The following KMT2C variants were observed in gnomAD, a reference collection of about 807,000 sequenced individuals.
KMT2C encodes the protein lysine methyltransferase 2C.
KMT2C carries 88 observed loss-of-function variants against 507.9 expected under a neutral mutation model. The ratio of observed to expected loss-of-function variants is 0.17; its 90% CI spans 0.15 to 0.21. The LOEUF (loss-of-function observed/expected upper bound fraction) is 0.21, where lower values mean the gene tolerates loss of function less well. KMT2C is among the 10% of genes least tolerant of loss of function. KMT2C has a pLI of 1.00. For synonymous variants in KMT2C, 2,049 were observed against 2,080.8 expected (o/e 0.98, Z 0.42); for missense variants, 4,954 against 5,957.8 (o/e 0.83, Z 5.55).
intron 23 of KMT2C, among the ~76,000 whole-genome samples, chr7:152,218,345 G>A (rs1463503160): frequency 1.3e-5 from 2 of 151,994 alleles, no homozygotes; most frequent in Non-Finnish European, 2.9e-5. Flanking sequence ...TGTATTTTTA[G>A]TAGAGATGAG....
chr7:152,245,478 ATTT>A (rs2095456806), intron 14 of KMT2C, among the ~76,000 whole-genome samples: 1 of 152,096 alleles, frequency 6.6e-6, no homozygotes, highest in East Asian at 1.9e-4. Flanking sequence ...ATTAAAATTT[ATTT>A]CACCTGTTTT....
intron 26 of KMT2C, 114 bp from the exon 27 acceptor site, chr7:152,199,573 A>T: frequency 1.8e-6 from 1 of 558,064 alleles, no homozygotes; most frequent in South Asian, 3.3e-5. Context: ...TTTATATTTA[A>T]CAATATAGAA....
chr7:152,152,190 C>A (rs773708665), intron 49 of KMT2C, among the ~76,000 whole-genome samples: 2 of 152,148 alleles, frequency 1.3e-5, no homozygotes, highest in East Asian at 3.8e-4. Flanking sequence ...GGAAGGAAAG[C>A]GACATCATGG....
intron 2 of KMT2C, among the ~76,000 whole-genome samples, chr7:152,336,222 G>C (rs1013472078): frequency 6.6e-6 from 1 of 152,098 alleles, no homozygotes; most frequent in Non-Finnish European, 1.5e-5. Flanking sequence ...AACAAAAAAG[G>C]TATCACTAAA....
intron 3 of KMT2C, among the ~76,000 whole-genome samples, chr7:152,320,355 TCTC>T (rs2096762288): frequency 6.6e-6 from 1 of 152,090 alleles, no homozygotes; most frequent in Non-Finnish European, 1.5e-5. Flanking sequence ...TTCAAGCAAT[TCTC>T]CTGCCTCAGC....
intron 1 of KMT2C, among the ~76,000 whole-genome samples, chr7:152,432,669 A>C (rs749448744): frequency 6.6e-6 from 1 of 152,264 alleles, no homozygotes; most frequent in Non-Finnish European, 1.5e-5. Context: ...ATGTAAAAGC[A>C]GTAACTATAT....
At chr7:152,329,762 G>C (rs1006599645) in intron 3 of KMT2C, among the ~76,000 whole-genome samples, 3 of 151,042 alleles carry the variant, frequency 2.0e-5, no homozygotes, top group Non-Finnish European at 3.0e-5. Context: ...GGAGATGGGA[G>C]TACCAAACTG....
chr7:152,400,316 T>TA (rs1564121086), intron 1 of KMT2C, among the ~76,000 whole-genome samples: 5 of 150,610 alleles, frequency 3.3e-5, no homozygotes, highest in East Asian at 1.9e-4. Flanking sequence ...CTCAAAAAAA[T>TA]AAAAAAAAGA....
intron 25 of KMT2C, 23 bp downstream of exon 25, chr7:152,205,083 T>A (rs770930564): frequency 1.3e-6 from 2 of 1,528,182 alleles, no homozygotes; most frequent in East Asian, 2.4e-5. Flanking sequence ...AAAAAAAAAT[T>A]TTTTTTTAAG....
chr7:152,204,322 G>C (rs1210628083), intron 25 of KMT2C, among the ~76,000 whole-genome samples: 1 of 152,058 alleles, frequency 6.6e-6, no homozygotes, highest in Non-Finnish European at 1.5e-5. Flanking sequence ...TTAGATATCA[G>C]CTGGGCTCAC....
chr7:152,242,767 A>G (rs1235639467), intron 14 of KMT2C, among the ~76,000 whole-genome samples: 1 of 152,136 alleles, frequency 6.6e-6, no homozygotes, highest in African/African-American at 2.4e-5. Context: ...TGGTTGTTAA[A>G]TATGATCAAA....
chr7:152,247,681 C>A (rs1329889753), intron 14 of KMT2C, among the ~76,000 whole-genome samples: 116 of 152,394 alleles, frequency 7.6e-4, no homozygotes, highest in African/African-American at 2.7e-3. Context: ...TATGGCCCAA[C>A]TGAGTTGAAA....
chr7:152,331,642 A>ATTTTTTTT (rs34778581), intron 2 of KMT2C, among the ~76,000 whole-genome samples: 1 of 99,300 alleles, frequency 1.0e-5, no homozygotes, highest in Non-Finnish European at 2.0e-5. Flanking sequence ...CAACAAAAAG[A>ATTTTTTTT]TTTTTTTTTT....
intron 31 of KMT2C, among the ~76,000 whole-genome samples, chr7:152,188,297 A>G (rs375476941): frequency 6.6e-6 from 1 of 152,200 alleles, no homozygotes; most frequent in Admixed American, 6.5e-5. Context: ...TCTGGAGTCC[A>G]AAAGCCCAGG....
At chr7:152,174,104 G>T in intron 39 of KMT2C, 27 bp downstream of exon 39, 1 of 1,214,770 alleles carries the variant, frequency 8.2e-7, no homozygotes, top group Non-Finnish European at 1.2e-6. Context: ...TAGATGCCCA[G>T]TAGAAACAAG....
intron 27 of KMT2C, among the ~76,000 whole-genome samples, chr7:152,196,765 C>T (rs148231519): frequency 6.6e-6 from 1 of 152,272 alleles, no homozygotes; most frequent in Non-Finnish European, 1.5e-5. Flanking sequence ...TAGGAGATGA[C>T]TGAGCATAAA....
intron 49 of KMT2C, 108 bp downstream of exon 49, chr7:152,152,597 C>T: frequency 1.6e-5 from 21 of 1,353,356 alleles, no homozygotes; most frequent in Non-Finnish European, 2.2e-5. Flanking sequence ...GGACTATACG[C>T]CAGCATGTTA....
At chr7:152,415,775 G>A (rs1415083442) in intron 1 of KMT2C, among the ~76,000 whole-genome samples, 1 of 152,216 alleles carries the variant, frequency 6.6e-6, no homozygotes, top group Non-Finnish European at 1.5e-5. Context: ...AGCTACTTGG[G>A]AGGCTGAGGC....
chr7:152,352,416 T>C (rs2097120923), intron 2 of KMT2C, among the ~76,000 whole-genome samples: 2 of 152,178 alleles, frequency 1.3e-5, no homozygotes, highest in African/African-American at 4.8e-5. Flanking sequence ...TCTATTACCT[T>C]GTGAAGCACG....
Sources: allele counts gnomAD v4.1 joint callset (sites outside exome capture counted in the v4.1 genomes callset), GRCh38; gene constraint gnomAD v4.1.1; transcripts MANE v1.5; gene names NCBI Gene and HGNC (gene_info 2026-07-23, HGNC 2026-07-21).